ULK1: variants seen among roughly 807,000 people sequenced by gnomAD.
The protein encoded by ULK1 is unc-51 like autophagy activating kinase 1.
In ULK1, 48 loss-of-function variants were observed where a neutral mutation model predicts 117.5. That is an observed-to-expected ratio of 0.41 (90% CI 0.32 to 0.52). ULK1 has a LOEUF of 0.52. Ranked by LOEUF, ULK1 falls within the 20% of genes least tolerant of loss-of-function variation. The pLI, the probability that ULK1 is intolerant of heterozygous loss-of-function variation, is 0.29. For synonymous variants in ULK1, 790 were observed against 637.8 expected, an observed-to-expected ratio of 1.24 and a Z score of -3.60; for missense variants, 1,387 against 1,473.4, an observed-to-expected ratio of 0.94 and a Z score of 0.96.
intron 3 of ULK1, among the ~76,000 whole-genome samples, chr12:131,905,740 G>T (rs2136386477): frequency 6.6e-6 from 1 of 152,324 alleles, no homozygotes. Flanking sequence ...CGTCCCTGTG[G>T]CTGCGGGGAG....
chr12:131,917,901 G>C (rs1005638698), intron 22 of ULK1, among the ~76,000 whole-genome samples: 1 of 152,248 alleles, frequency 6.6e-6, no homozygotes, highest in Non-Finnish European at 1.5e-5. Context: ...GAGTTGCCCT[G>C]ATGAGCACAG....
At chr12:131,913,424 G>A (rs1376023557) in intron 14 of ULK1, among the ~76,000 whole-genome samples, 166 bp downstream of exon 14, 3 of 150,494 alleles carry the variant, frequency 2.0e-5, no homozygotes, top group African/African-American at 4.9e-5. Context: ...GTTGGCCCGT[G>A]GTGGCTCACG....
intron 22 of ULK1, chr12:131,918,276 A>C: frequency 1.7e-6 from 1 of 602,194 alleles, no homozygotes; most frequent in Non-Finnish European, 2.9e-6. Context: ...CCTTGGCCTG[A>C]GGTGGGGAGC....
intron 13 of ULK1, 37 bp downstream of exon 13, chr12:131,912,126 G>T (rs778240276): frequency 6.3e-7 from 1 of 1,588,964 alleles, no homozygotes; most frequent in South Asian, 1.1e-5. Flanking sequence ...TGACGCCTCA[G>T]GTGCGGCGGG....
At chr12:131,909,718 G>A (rs1175000608) in intron 8 of ULK1, 57 bp from the exon 9 acceptor site, 53 of 1,494,138 alleles carry the variant, frequency 3.5e-5, no homozygotes, top group East Asian at 7.3e-5. Context: ...CCGAGACCCC[G>A]TGGGCTGGTC....
At chr12:131,919,669 C>T (rs1407702433) in intron 25 of ULK1, 79 bp downstream of exon 25, 1 of 1,480,146 alleles carries the variant, frequency 6.8e-7, no homozygotes, top group Middle Eastern at 1.8e-4. Flanking sequence ...GACAGGGTAA[C>T]AGGGAGGCTG....
rs200690772 is a variant in ULK1, at chr12:131,916,617, C to T, written c.2072+26C>T. 2,160 of 1,531,138 alleles carry T rather than the reference C, an allele frequency of 1.4e-3. 28 individuals are homozygous for T. The African/African-American group carries it at 0.02, about 14-fold the overall frequency. 94.8% of individuals were successfully genotyped at this position (1,531,138 alleles called of 1,614,324 possible). On this transcript the variant is annotated intron_variant, in intron 20 of 27. Transcript: ENST00000321867. ...GTGAGTTGAGGGGACAGGCCTTGGA[C>T]GGGCTTCTGAGGGGCAGCCTCTTTC...
At chr12:131,918,898 G>A (rs960818784) in intron 23 of ULK1, among the ~76,000 whole-genome samples, 5 of 118,378 alleles carry the variant, frequency 4.2e-5, no homozygotes, top group Admixed American at 8.4e-5. Flanking sequence ...GGTGTAGGGT[G>A]TGGGGTGTAG....
At chr12:131,912,437 C>T (rs1027949583) in intron 13 of ULK1, among the ~76,000 whole-genome samples, 1 of 152,244 alleles carries the variant, frequency 6.6e-6, no homozygotes, top group African/African-American at 2.4e-5. Context: ...CCTCTACACC[C>T]TGCAGGTGGG....
At chr12:131,917,307 G>GGTC (rs1168770382) in intron 21 of ULK1, 104 bp from the exon 22 acceptor site, 1,564 of 36,160 alleles carry the variant, frequency 0.043, 661 homozygotes, top group Middle Eastern at 0.093. Context: ...GGGGGTTGGG[G>GGTC]GGAGCTCGGA....
intron 5 of ULK1, 175 bp from the exon 6 acceptor site, chr12:131,908,469 G>C (rs1054888952): frequency 1.5e-6 from 1 of 675,142 alleles, no homozygotes; most frequent in African/African-American, 1.9e-5. Flanking sequence ...CTTCAGGTGC[G>C]CCCTGGTCTC....
intron 5 of ULK1, among the ~76,000 whole-genome samples, chr12:131,907,961 C>G (rs1037556641): frequency 3.6e-5 from 5 of 137,560 alleles, no homozygotes; most frequent in Non-Finnish European, 6.2e-5. Context: ...TTCCCAGGCT[C>G]TCTGGGTGGG....
chr12:131,897,982 C>T (rs1048330711), intron 3 of ULK1: 4 of 152,238 alleles, frequency 2.6e-5, no homozygotes, highest in African/African-American at 9.6e-5. Context: ...GAGAGCCAGG[C>T]TGACGCTGAT....
At chr12:131,914,527 C>T (rs1889688262) in intron 16 of ULK1, 50 bp downstream of exon 16, 6 of 1,580,966 alleles carry the variant, frequency 3.8e-6, no homozygotes, top group South Asian at 1.1e-5. Flanking sequence ...CCTTGTGTGG[C>T]AGGAGCCCTT....
intron 3 of ULK1, among the ~76,000 whole-genome samples, chr12:131,899,561 G>A (rs1889007769): frequency 6.6e-6 from 1 of 152,070 alleles, no homozygotes; most frequent in South Asian, 2.1e-4. Flanking sequence ...CATAATCATG[G>A]CTCACTGCAG....
intron 14 of ULK1, among the ~76,000 whole-genome samples, chr12:131,913,522 C>T (rs1049120465): frequency 6.6e-6 from 1 of 152,184 alleles, no homozygotes; most frequent in Non-Finnish European, 1.5e-5. Flanking sequence ...GGTGAAACCC[C>T]GTCTCTACTG....
chr12:131,920,982 C>G (rs904423950), intron 26 of ULK1, 118 bp from the exon 27 acceptor site: 1 of 1,382,080 alleles, frequency 7.2e-7, no homozygotes, highest in Non-Finnish European at 9.6e-7. Flanking sequence ...TATGTCTCCA[C>G]GTCACTGCCC....
intron 3 of ULK1, among the ~76,000 whole-genome samples, chr12:131,900,195 A>G (rs1200585316): frequency 6.6e-6 from 1 of 150,742 alleles, no homozygotes; most frequent in African/African-American, 2.4e-5. Context: ...TGTGCCTGCC[A>G]CTTTGTAAGT....
intron 3 of ULK1, among the ~76,000 whole-genome samples, chr12:131,901,222 G>C (rs1889073961): frequency 6.6e-6 from 1 of 151,924 alleles, no homozygotes. Flanking sequence ...AGCTGGGCGT[G>C]GTGGTGGGCG....
Sources: gnomAD v4.1 joint callset for allele counts (sites outside exome capture counted in the v4.1 genomes callset) on GRCh38, gnomAD v4.1.1 for gene constraint, MANE v1.5 for transcripts, NCBI Gene and HGNC (gene_info 2026-07-23, HGNC 2026-07-21) for gene names.